Variants in DYNC1LI1 observed in about 807,000 individuals in gnomAD.
The protein encoded by DYNC1LI1 is dynein cytoplasmic 1 light intermediate chain 1.
A neutral mutation model predicts 63.8 loss-of-function variants in DYNC1LI1; 19 were observed. The observed-to-expected ratio is 0.30, with a 90% CI of 0.21 to 0.44. The LOEUF (loss-of-function observed/expected upper bound fraction) is 0.44. DYNC1LI1 is among the 20% of genes least tolerant of loss of function. DYNC1LI1 has a pLI of 1.00. For synonymous variants in DYNC1LI1, 225 were observed against 232.3 expected (o/e 0.97, Z 0.28); for missense variants, 565 against 630.2 (o/e 0.90, Z 1.11).
intron 2 of DYNC1LI1, among the ~76,000 whole-genome samples, chr3:32,546,176 G>C (rs1184777371): frequency 1.3e-5 from 2 of 152,180 alleles, no homozygotes; most frequent in African/African-American, 4.8e-5. Context: ...GGGAGGCCGA[G>C]GCAGGCAGAT....
intron 2 of DYNC1LI1, among the ~76,000 whole-genome samples, chr3:32,562,422 C>T (rs1296743397): frequency 6.6e-6 from 1 of 152,186 alleles, no homozygotes; most frequent in East Asian, 1.9e-4. Context: ...TCACTACAAC[C>T]TTGGACTCCC....
rs957106072 is a variant in DYNC1LI1, at chr3:32,526,688, T to G, written c.*111A>C. ...ACACACACACACACACGACATAAAT[T>G]TAGTCCATCTGAAGAAGCACTCCAG... On this transcript the variant is annotated 3_prime_UTR_variant, in exon 13 of 13. Transcript: ENST00000273130. 1.4e-6 allele frequency: 1 copy of G among 736,554 alleles called. No individual in the cohort carries two copies. Among genetic ancestry groups the G allele is most frequent in the Non-Finnish European group, 2.3e-6 (1 of 431,168 alleles). The allele number at this position is 736,554 out of a possible 1,614,324, so 45.6% of individuals were successfully genotyped here.
intron 2 of DYNC1LI1, among the ~76,000 whole-genome samples, chr3:32,553,264 G>GA (rs1698068834): frequency 3.9e-5 from 6 of 152,094 alleles, no homozygotes; most frequent in Admixed American, 3.9e-4. Flanking sequence ...AGGCATGGGA[G>GA]AATCAAGGCT....
rs557728223 is a variant in DYNC1LI1, at chr3:32,547,469, G to A, written c.221-1504C>T. On this transcript the variant is annotated intron_variant, in intron 2 of 12. Transcript: ENST00000273130. ...AAAATTGTCTTCATTTCCATGTTAA[G>A]CTAAAAAAAACATATATGTCTTAAG... Among the ~76,000 whole-genome samples, 4 of 151,558 alleles carry A rather than the reference G, an allele frequency of 2.6e-5. No individual in the cohort carries two copies. In the East Asian group the frequency reaches 5.8e-4, roughly 22 times the overall value.
chr3:32,561,053 C>T (rs187272002), intron 2 of DYNC1LI1, among the ~76,000 whole-genome samples: 18 of 114,882 alleles, frequency 1.6e-4, no homozygotes, highest in Admixed American at 1.3e-3. Context: ...AAAACACACA[C>T]ACACCAAAGA....
At chr3:32,552,887 G>A (rs1334947646) in intron 2 of DYNC1LI1, among the ~76,000 whole-genome samples, 1 of 152,048 alleles carries the variant, frequency 6.6e-6, no homozygotes, top group Non-Finnish European at 1.5e-5. Context: ...TTTATTTTTA[G>A]TAGAGAAGGG....
intron 2 of DYNC1LI1, 118 bp downstream of exon 2, chr3:32,570,228 A>G (rs756697012): frequency 3.2e-4 from 270 of 854,124 alleles, no homozygotes; most frequent in Non-Finnish European, 2.9e-4. Flanking sequence ...TCGGGAGGCG[A>G]GGCGGGGCGG....
chr3:32,548,785 T>A (rs1697993688), intron 2 of DYNC1LI1, among the ~76,000 whole-genome samples: 1 of 152,196 alleles, frequency 6.6e-6, no homozygotes, highest in Non-Finnish European at 1.5e-5. Context: ...GTAATACATA[T>A]GTTAATTAGC....
chr3:32,555,189 A>T (rs1698096263), intron 2 of DYNC1LI1, among the ~76,000 whole-genome samples: 1 of 152,174 alleles, frequency 6.6e-6, no homozygotes, highest in Non-Finnish European at 1.5e-5. Flanking sequence ...AAAATTGAAC[A>T]TTCATATTTT....
chr3:32,566,687 G>A (rs1045048650), intron 2 of DYNC1LI1: 17 of 432,680 alleles, frequency 3.9e-5, no homozygotes, highest in African/African-American at 2.3e-4. Context: ...GCAGTGAGCC[G>A]AAATCTTGCC....
At chr3:32,537,961 A>ATT (rs1383258025) in intron 5 of DYNC1LI1, among the ~76,000 whole-genome samples, 4 of 7,536 alleles carry the variant, frequency 5.3e-4, no homozygotes, top group African/African-American at 8.1e-4. Flanking sequence ...TTATATATAT[A>ATT]ATATATATAT....
chr3:32,541,335 T>A (rs543358919), intron 4 of DYNC1LI1, 129 bp from the exon 5 acceptor site: 2 of 606,948 alleles, frequency 3.3e-6, no homozygotes, highest in South Asian at 4.5e-5. Flanking sequence ...ACAAAAAGGG[T>A]TTGAGAAACC....
At chr3:32,555,716 C>T (rs1387891740) in intron 2 of DYNC1LI1, among the ~76,000 whole-genome samples, 14 of 152,156 alleles carry the variant, frequency 9.2e-5, no homozygotes, top group Admixed American at 8.5e-4. Context: ...TCTCTTAAGA[C>T]CCTTCATCAG....
rs3836420 is a variant in DYNC1LI1 at position 32,526,653 on chromosome 3, C to CCACACA, written c.*140_*145dup. On this transcript the variant is annotated 3_prime_UTR_variant, in exon 13 of 13. Coordinates refer to ENST00000273130, the MANE Select transcript of DYNC1LI1 (RefSeq NM_016141.4). ...ACGGCTCCTTCTAAAAAATGGGTAA[C>CCACACA]CACACACACACACACACACACACAC... is the stretch of plus-strand genomic sequence containing the variant. 302 of 499,262 alleles carry CCACACA rather than the reference C, an allele frequency of 6.0e-4. No homozygotes were observed. Among genetic ancestry groups the CCACACA allele is most frequent in the African/African-American group, 2.8e-3 (143 of 51,096 alleles). 30.9% of individuals were successfully genotyped at this position (499,262 alleles called of 1,614,324 possible).
Position 32,526,562 on chromosome 3 carries a change from A to T in DYNC1LI1, c.*237T>A. On this transcript the variant is annotated 3_prime_UTR_variant, in exon 13 of 13. Coordinates refer to ENST00000273130, the MANE Select transcript of DYNC1LI1 (RefSeq NM_016141.4). ...TTTGAGATTTTCAAAATCAAAAATT[A>T]CTTTCTTATGCAAAATGGCAATGCA... is the stretch of plus-strand genomic sequence containing the variant. 1 of 311,516 alleles carries T rather than the reference A, an allele frequency of 3.2e-6. No homozygotes were observed. 19.3% of individuals were successfully genotyped at this position (311,516 alleles called of 1,614,324 possible). A position where few individuals can be genotyped will look rare whatever the true frequency, so the allele number is the denominator to read the frequency against.
At position 32,528,141 on chromosome 3, in the gene DYNC1LI1, A is replaced by G. The variant is rs915348875; in HGVS notation, c.1462+305T>C. Among the ~76,000 whole-genome samples, 20 of 148,350 alleles carry G rather than the reference A, an allele frequency of 1.3e-4. No homozygotes were observed. The South Asian group carries it at 2.1e-3, about 16-fold the overall frequency. On this transcript the variant is annotated intron_variant, in intron 12 of 12. Coordinates refer to ENST00000273130, the MANE Select transcript of DYNC1LI1 (RefSeq NM_016141.4). ...AAAAAAAAAAAAAAAAAAAAAAAAA[A>G]AAAGAAATGAAATATTGATACATAT...
rs554743669 is a variant in DYNC1LI1 at position 32,551,095 on chromosome 3, C to T, written c.221-5130G>A. ...AGATCCTTATATCAAAATTGTTGTC[C>T]TCTAAGAGCTCATAAATTGGAAGGG... is the stretch of plus-strand genomic sequence containing the variant. On this transcript the variant is annotated intron_variant, in intron 2 of 12. Coordinates refer to ENST00000273130, the MANE Select transcript of DYNC1LI1 (RefSeq NM_016141.4). Among the ~76,000 whole-genome samples the T allele has an allele frequency of 9.8e-4, 148 of 151,650 alleles. 1 individual carries two copies. Among genetic ancestry groups the T allele is most frequent in the African/African-American group, 3.5e-3 (143 of 41,302 alleles).
At chr3:32,564,337 A>G (rs554229459) in intron 2 of DYNC1LI1, among the ~76,000 whole-genome samples, 2 of 152,060 alleles carry the variant, frequency 1.3e-5, no homozygotes, top group Admixed American at 6.6e-5. Context: ...AAACAAGCAA[A>G]CAAACAAACA....
chr3:32,535,237 A>G (rs1371927754), intron 6 of DYNC1LI1, among the ~76,000 whole-genome samples: 4 of 152,166 alleles, frequency 2.6e-5, no homozygotes, highest in Non-Finnish European at 1.5e-5. Flanking sequence ...AAATAACACA[A>G]CCTCACATCA....
Sources: allele counts gnomAD v4.1 joint callset (sites outside exome capture counted in the v4.1 genomes callset), GRCh38; gene constraint gnomAD v4.1.1; transcripts MANE v1.5; gene names NCBI Gene and HGNC (gene_info 2026-07-23, HGNC 2026-07-21).